CAP2: variants seen among roughly 807,000 people sequenced by gnomAD.
The protein encoded by CAP2 is cyclase associated actin cytoskeleton regulatory protein 2, also known as adenylyl cyclase-associated protein 2.
A neutral mutation model predicts 57.7 loss-of-function variants in CAP2; 24 were observed. That is an observed-to-expected ratio of 0.42 (90% CI 0.30 to 0.58). CAP2 has a LOEUF of 0.58. Ranked by LOEUF, CAP2 falls within the 20% of genes least tolerant of loss-of-function variation. The pLI, the probability that CAP2 is intolerant of heterozygous loss-of-function variation, is 0.22. For missense variants in CAP2, 501 were observed against 590.3 expected (o/e 0.85, Z 1.57); for synonymous variants, 194 against 207.2 (o/e 0.94, Z 0.55).
At chr6:17,487,096 AAT>A (rs1223097621) in intron 4 of CAP2, among the ~76,000 whole-genome samples, 9 of 152,132 alleles carry the variant, frequency 5.9e-5, no homozygotes, top group Admixed American at 3.9e-4. Flanking sequence ...CTCAGCACTT[AAT>A]TGCTGAGCAC....
chr6:17,547,650 G>C (rs369072836), intron 11 of CAP2, among the ~76,000 whole-genome samples: 44 of 152,096 alleles, frequency 2.9e-4, no homozygotes, highest in African/African-American at 1.1e-3. Flanking sequence ...GACCATCCTG[G>C]CTAACACAGT....
chr6:17,494,465 G>A (rs1761616760), intron 4 of CAP2, among the ~76,000 whole-genome samples: 1 of 152,050 alleles, frequency 6.6e-6, no homozygotes, highest in African/African-American at 2.4e-5. Flanking sequence ...TCCTCCAGAT[G>A]TCTACATGGC....
At chr6:17,496,354 T>C (rs1236090002) in intron 4 of CAP2, among the ~76,000 whole-genome samples, 1 of 152,172 alleles carries the variant, frequency 6.6e-6, no homozygotes, top group Non-Finnish European at 1.5e-5. Context: ...CTGAAGTGAA[T>C]TGTGGGCCAC....
chr6:17,547,710 G>A (rs771978264), intron 11 of CAP2, among the ~76,000 whole-genome samples: 8 of 151,784 alleles, frequency 5.3e-5, no homozygotes, highest in Admixed American at 2.0e-4. Flanking sequence ...GCGTGGTGGC[G>A]GGTGCCCATA....
At chr6:17,441,103 T>C (rs1760062130) in intron 3 of CAP2, among the ~76,000 whole-genome samples, 1 of 151,582 alleles carries the variant, frequency 6.6e-6, no homozygotes, top group Admixed American at 6.6e-5. Flanking sequence ...CTATAGATGC[T>C]AAAAATATAA....
At chr6:17,504,696 T>C (rs1350394951) in intron 4 of CAP2, among the ~76,000 whole-genome samples, 1 of 152,110 alleles carries the variant, frequency 6.6e-6, no homozygotes, top group Non-Finnish European at 1.5e-5. Context: ...AAGAAATACA[T>C]TTTATTTGGC....
intron 7 of CAP2, among the ~76,000 whole-genome samples, chr6:17,532,995 G>A (rs530334377): frequency 5.2e-4 from 78 of 149,384 alleles, no homozygotes; most frequent in African/African-American, 1.8e-3. Flanking sequence ...AACCCGGGAG[G>A]TGAAGGTTGC....
At chr6:17,458,528 T>A (rs1002743526) in intron 3 of CAP2, among the ~76,000 whole-genome samples, 1 of 152,236 alleles carries the variant, frequency 6.6e-6, no homozygotes, top group African/African-American at 2.4e-5. Context: ...ATTTATGTTT[T>A]GGAACATTTG....
At chr6:17,553,844 G>A (rs890149338) in intron 12 of CAP2, among the ~76,000 whole-genome samples, 1 of 152,048 alleles carries the variant, frequency 6.6e-6, no homozygotes, top group African/African-American at 2.4e-5. Flanking sequence ...TCACAGCCAG[G>A]AACAGATTTG....
intron 4 of CAP2, among the ~76,000 whole-genome samples, chr6:17,503,079 G>C (rs1761869868): frequency 6.6e-6 from 1 of 152,140 alleles, no homozygotes; most frequent in Non-Finnish European, 1.5e-5. Context: ...GTTTAGAGGG[G>C]TTTTTGTTTG....
rs377758922 is a variant in CAP2 at position 17,446,951 on chromosome 6, G to A, written c.223-16045G>A. ...TAGCAAGCACCTTTCATGGTTGAGCGGTCATAGTGAGTTCTCAATGCAGGT... is the reference window on the plus strand; with the variant it reads ...TAGCAAGCACCTTTCATGGTTGAGCAGTCATAGTGAGTTCTCAATGCAGGT... On this transcript the variant is annotated intron_variant, in intron 3 of 12. Coordinates refer to ENST00000229922, the MANE Select transcript of CAP2 (RefSeq NM_006366.3). 2.0e-4 allele frequency among the ~76,000 whole-genome samples: 31 copies of A among 152,266 alleles called. No homozygotes were observed. In the East Asian group the frequency reaches 2.5e-3, roughly 12 times the overall value.
chr6:17,545,036 G>A (rs1000228675), intron 11 of CAP2, among the ~76,000 whole-genome samples: 2 of 152,194 alleles, frequency 1.3e-5, no homozygotes, highest in African/African-American at 4.8e-5. Flanking sequence ...ATTTTGGATG[G>A]TGGGAGTTCC....
At chr6:17,426,838 A>G (rs931039407) in intron 3 of CAP2, 148 bp downstream of exon 3, 2 of 634,306 alleles carry the variant, frequency 3.2e-6, no homozygotes, top group Non-Finnish European at 5.7e-6. Flanking sequence ...TCATTTACCC[A>G]TTTATTCATT....
intron 3 of CAP2, among the ~76,000 whole-genome samples, chr6:17,436,090 C>CTTTCTTTCTTTCTTTCTTTCTTTCTTTCT (rs1561782691): frequency 1.6e-5 from 1 of 64,004 alleles, no homozygotes. Context: ...TCTTTCTTTC[C>CTTTCTTTCTTTCTTTCTTTCTTTCTTTCT]TTCCTTCCTT....
At chr6:17,542,749 T>G in intron 9 of CAP2, 88 bp from the exon 10 acceptor site, 2 of 1,041,862 alleles carry the variant, frequency 1.9e-6, no homozygotes, top group Non-Finnish European at 2.9e-6. Context: ...AAAGCCATAC[T>G]TCATGCTGAG....
chr6:17,543,031 G>T (rs748821889), intron 10 of CAP2, 30 bp from the exon 11 acceptor site: 28 of 1,611,942 alleles, frequency 1.7e-5, no homozygotes, highest in Non-Finnish European at 2.3e-5. Flanking sequence ...TAGTGGAGTT[G>T]GTTTTTTGTT....
intron 3 of CAP2, among the ~76,000 whole-genome samples, chr6:17,452,837 CCCTCA>C (rs1446548328): frequency 1.3e-5 from 2 of 152,104 alleles, no homozygotes; most frequent in Admixed American, 6.5e-5. Context: ...ATCACACTCA[CCCTCA>C]CCTCACCCGT....
intron 3 of CAP2, among the ~76,000 whole-genome samples, chr6:17,432,432 A>G (rs1423240495): frequency 6.6e-6 from 1 of 152,180 alleles, no homozygotes; most frequent in Non-Finnish European, 1.5e-5. Context: ...TCTTCCCATG[A>G]ACTTCCAGTT....
At chr6:17,415,407 C>G (rs1243917987) in intron 1 of CAP2, among the ~76,000 whole-genome samples, 6 of 152,214 alleles carry the variant, frequency 3.9e-5, no homozygotes, top group Non-Finnish European at 7.3e-5. Context: ...CAAGTGTGCT[C>G]TTTCAAGTCA....
Sources: allele counts gnomAD v4.1 joint callset (sites outside exome capture counted in the v4.1 genomes callset), GRCh38; gene constraint gnomAD v4.1.1; transcripts MANE v1.5; gene names NCBI Gene and HGNC (gene_info 2026-07-23, HGNC 2026-07-21).